The following NRIP1 variants were observed in gnomAD, a reference collection of about 807,000 sequenced individuals.
NRIP1 encodes nuclear receptor interacting protein 1.
NRIP1 carries 28 observed loss-of-function variants against 75.0 expected under a neutral mutation model. The ratio of observed to expected loss-of-function variants is 0.37; its 90% confidence interval spans 0.28 to 0.51. NRIP1 has a LOEUF of 0.51. Among genes scored for constraint, NRIP1 ranks in the 20% least tolerant of loss-of-function variants. The pLI is 0.92. For missense variants in NRIP1, 1,435 were observed against 1,343.7 expected (o/e 1.07, Z -1.06); for synonymous variants, 526 against 487.6 (o/e 1.08, Z -1.04).
At chr21:15,056,191 C>A (rs868535985) in intron 1 of NRIP1, among the ~76,000 whole-genome samples, 1 of 151,698 alleles carries the variant, frequency 6.6e-6, no homozygotes, top group South Asian at 2.1e-4. Flanking sequence ...AAATCCAGAG[C>A]AGCCGTAGCT....
intron 2 of NRIP1, among the ~76,000 whole-genome samples, chr21:15,032,478 T>C (rs903691206): frequency 6.6e-6 from 1 of 151,760 alleles, no homozygotes; most frequent in African/African-American, 2.4e-5. Context: ...TGAAAAAATA[T>C]TTGGATAAAT....
intron 3 of NRIP1, among the ~76,000 whole-genome samples, chr21:14,975,642 A>G (rs1011776037): frequency 2.1e-5 from 3 of 144,098 alleles, no homozygotes; most frequent in Admixed American, 1.4e-4. Flanking sequence ...AAAAAAAAAA[A>G]AAGGAAGGAA....
At chr21:14,993,682 G>A (rs989518834) in intron 3 of NRIP1, among the ~76,000 whole-genome samples, 2 of 152,060 alleles carry the variant, frequency 1.3e-5, no homozygotes, top group Non-Finnish European at 2.9e-5. Context: ...CTTCTTGGGA[G>A]GCTGACACGG....
intron 1 of NRIP1, among the ~76,000 whole-genome samples, chr21:15,044,504 T>G (rs1006015331): frequency 6.6e-6 from 1 of 151,490 alleles, no homozygotes; most frequent in Non-Finnish European, 1.5e-5. Context: ...ATAAGGGAGG[T>G]ACCATGCGAA....
intron 2 of NRIP1, among the ~76,000 whole-genome samples, chr21:15,031,309 C>G (rs1163923279): frequency 2.0e-5 from 3 of 147,286 alleles, no homozygotes; most frequent in Non-Finnish European, 4.5e-5. Flanking sequence ...TCACCACATT[C>G]CCTTTCTATG....
intron 1 of NRIP1, among the ~76,000 whole-genome samples, chr21:15,048,304 T>C (rs1723955074): frequency 6.6e-6 from 1 of 152,178 alleles, no homozygotes; most frequent in South Asian, 2.1e-4. Flanking sequence ...ACCTTCAGTT[T>C]GTAAAAAACA....
At chr21:15,035,839 G>A (rs576593466) in intron 2 of NRIP1, among the ~76,000 whole-genome samples, 3 of 152,060 alleles carry the variant, frequency 2.0e-5, no homozygotes, top group East Asian at 1.9e-4. Flanking sequence ...TACAGGCATC[G>A]TGATGTATAT....
At chr21:15,005,385 G>T (rs905542179) in intron 3 of NRIP1, among the ~76,000 whole-genome samples, 8 of 152,148 alleles carry the variant, frequency 5.3e-5, no homozygotes, top group Non-Finnish European at 1.2e-4. Context: ...AAAAAGGGGG[G>T]TAAAAAAGTC....
At chr21:15,064,333 G>A (rs1053918393) in intron 1 of NRIP1, among the ~76,000 whole-genome samples, 5 of 152,206 alleles carry the variant, frequency 3.3e-5, no homozygotes, top group African/African-American at 9.6e-5. Flanking sequence ...GAAAGGCGCC[G>A]CCCAGGATCC....
At position 14,962,641 on chromosome 21, in the gene NRIP1, A is replaced by C. The variant is rs2086621987; in HGVS notation, c.*2075T>G. ...ATATAGTGTTGACAATAAGATTGTC[A>C]TAGTATGGACATGGAATAGAATATA... is the stretch of plus-strand genomic sequence containing the variant. On this transcript the variant is annotated 3_prime_UTR_variant, in exon 4 of 4. Coordinates refer to ENST00000318948, the MANE Select transcript of NRIP1 (RefSeq NM_003489.4). The C allele has an allele frequency of 2.0e-5, 3 of 152,474 alleles. No individual in the cohort carries two copies. The South Asian group carries it at 6.2e-4, about 32-fold the overall frequency. 9.4% of individuals were successfully genotyped at this position (152,474 alleles called of 1,614,324 possible).
intron 3 of NRIP1, among the ~76,000 whole-genome samples, chr21:14,998,781 A>T (rs1997577): frequency 0.31 from 47,530 of 152,102 alleles, 11,211 homozygotes; most frequent in African/African-American, 0.67. Flanking sequence ...TAACTTTATC[A>T]TAAGAATACA....
intron 2 of NRIP1, among the ~76,000 whole-genome samples, chr21:15,032,715 TC>T (rs2088735069): frequency 6.6e-6 from 1 of 152,140 alleles, no homozygotes; most frequent in Admixed American, 6.5e-5. Flanking sequence ...TCAGATCCAA[TC>T]CCTGCTTCCT....
intron 2 of NRIP1, among the ~76,000 whole-genome samples, chr21:15,038,573 C>G (rs192064138): frequency 2.6e-4 from 40 of 151,892 alleles, no homozygotes; most frequent in African/African-American, 8.4e-4. Context: ...AGAAAAATTA[C>G]CTGACCATAA....
At position 15,025,996 on chromosome 21, in the gene NRIP1, C is replaced by G. The variant is rs79344041; in HGVS notation, c.-457-11530G>C. Among the ~76,000 whole-genome samples, 2,275 of 152,108 alleles carry G rather than the reference C, an allele frequency of 0.015. 198 individuals are homozygous for G. The East Asian group carries it at 0.25, about 17-fold the overall frequency. On this transcript the variant is annotated intron_variant, in intron 2 of 3. Coordinates refer to ENST00000318948, the MANE Select transcript of NRIP1 (RefSeq NM_003489.4). Reference sequence around the variant, plus strand: ...ACCTGGAAACTTGAATGAGCTCTGACGATTAGATAGTAGTGATGATCAATG... The same window carrying G: ...ACCTGGAAACTTGAATGAGCTCTGAGGATTAGATAGTAGTGATGATCAATG...
At chr21:15,019,528 G>A (rs910252526) in intron 2 of NRIP1, among the ~76,000 whole-genome samples, 2 of 107,918 alleles carry the variant, frequency 1.9e-5, no homozygotes, top group Admixed American at 1.5e-4. Flanking sequence ...TCACTCTGTC[G>A]CCCAAGCTGG....
intron 2 of NRIP1, among the ~76,000 whole-genome samples, chr21:15,018,368 A>G (rs1435933456): frequency 6.6e-6 from 1 of 152,178 alleles, no homozygotes; most frequent in African/African-American, 2.4e-5. Flanking sequence ...ACAGGAAAGA[A>G]GCAAACAGAA....
In NRIP1 at chr21:15,047,269, C is replaced by T. The variant is rs533657874; in HGVS notation, c.-537-3695G>A. ...AAAACCATCAGATCTCGGCCGGGCGCGGTGGCTCACGCCTGTAATTCCAGC... is the reference window on the plus strand; with the variant it reads ...AAAACCATCAGATCTCGGCCGGGCGTGGTGGCTCACGCCTGTAATTCCAGC... On this transcript the variant is annotated intron_variant, in intron 1 of 3. Coordinates refer to ENST00000318948, the MANE Select transcript of NRIP1 (RefSeq NM_003489.4). Among the ~76,000 whole-genome samples, 64 of 147,990 alleles carry T rather than the reference C, an allele frequency of 4.3e-4. 1 individual carries two copies. Among genetic ancestry groups the T allele is most frequent in the African/African-American group, 1.4e-3 (55 of 39,058 alleles).
intron 2 of NRIP1, among the ~76,000 whole-genome samples, chr21:15,022,963 A>C (rs1049116436): frequency 6.6e-6 from 1 of 152,246 alleles, no homozygotes; most frequent in Non-Finnish European, 1.5e-5. Flanking sequence ...CAGTGAAAGA[A>C]GCCAATCACT....
intron 2 of NRIP1, among the ~76,000 whole-genome samples, chr21:15,039,961 T>G (rs971085375): frequency 6.6e-6 from 1 of 152,130 alleles, no homozygotes; most frequent in African/African-American, 2.4e-5. Flanking sequence ...TACTGAAAGA[T>G]GGTACTTCAG....
Sources: allele counts gnomAD v4.1 joint callset (sites outside exome capture counted in the v4.1 genomes callset), GRCh38; gene constraint gnomAD v4.1.1; transcripts MANE v1.5; gene names NCBI Gene and HGNC (gene_info 2026-07-23, HGNC 2026-07-21).